ARPC1A: variants seen among roughly 807,000 people sequenced by gnomAD.
ARPC1A encodes actin related protein 2/3 complex subunit 1A, also known as actin-related protein 2/3 complex subunit 1A.
Under a neutral mutation model 46.9 loss-of-function variants are expected in ARPC1A, and 8 were observed. The ratio of observed to expected loss-of-function variants is 0.17; its 90% CI spans 0.10 to 0.31. The LOEUF is 0.31. ARPC1A is among the 10% of genes least tolerant of loss of function. The pLI is 1.00. For missense variants in ARPC1A, 286 were observed against 483.6 expected (o/e 0.59, Z 3.83); for synonymous variants, 152 against 169.0 (o/e 0.90, Z 0.78).
chr7:99,350,630 A>AC (rs1736453264), intron 5 of ARPC1A, among the ~76,000 whole-genome samples: 3 of 93,546 alleles, frequency 3.2e-5, no homozygotes, highest in Admixed American at 1.2e-4. Context: ...GATGAGGTGC[A>AC]CTTTTTTTTT....
intron 2 of ARPC1A, among the ~76,000 whole-genome samples, chr7:99,334,126 C>G (rs925372028): frequency 1.3e-5 from 2 of 151,380 alleles, no homozygotes; most frequent in East Asian, 3.9e-4. Flanking sequence ...TTTGGGAGAC[C>G]GAGGCGGGCA....
Position 99,333,388 on chromosome 7 carries a change from C to A in ARPC1A, c.35C>A (p.Thr12Asn). The A allele has an allele frequency of 1.9e-6, 3 of 1,613,762 alleles. No homozygotes were observed. The highest frequency in any genetic ancestry group is 2.5e-6 in the Non-Finnish European group (3 of 1,179,816). ...CATCAGTTTTTACTAGAGCCAATCA[C>A]CTGTCATGCCTGGAACAGGGATCGT... ...SLHQFLLEPI[T>N]CHAWNRDRTQ... The change falls in exon 2 of 10, where the codon ACC becomes AAC. Residue 12 changes from threonine to asparagine, a missense_variant. Coordinates refer to ENST00000262942, the MANE Select transcript of ARPC1A (RefSeq NM_006409.4).
intron 5 of ARPC1A, among the ~76,000 whole-genome samples, chr7:99,353,456 C>A (rs1404066662): frequency 4.0e-5 from 5 of 124,414 alleles, no homozygotes; most frequent in Non-Finnish European, 6.4e-5. Context: ...CCGCACCCAG[C>A]CTTATTTATT....
At chr7:99,326,040 G>T (rs1793039147) in intron 1 of ARPC1A, 36 bp downstream of exon 1, 1 of 152,278 alleles carries the variant, frequency 6.6e-6, no homozygotes, top group Non-Finnish European at 1.5e-5. Flanking sequence ...TCACCCTGTC[G>T]GCCTCTCTTG....
intron 6 of ARPC1A, among the ~76,000 whole-genome samples, chr7:99,357,934 C>G (rs1023454087): frequency 3.9e-5 from 6 of 152,328 alleles, no homozygotes; most frequent in African/African-American, 1.4e-4. Flanking sequence ...AGGAGAAGGT[C>G]CTAGCACAGG....
intron 9 of ARPC1A, among the ~76,000 whole-genome samples, chr7:99,364,635 T>G (rs1174479979): frequency 1.3e-5 from 2 of 152,104 alleles, no homozygotes; most frequent in Non-Finnish European, 2.9e-5. Flanking sequence ...TGAACTGGAA[T>G]TTTTACTTCT....
chr7:99,326,055 G>A (rs1190905775), intron 1 of ARPC1A, 51 bp downstream of exon 1: 2 of 152,382 alleles, frequency 1.3e-5, no homozygotes, highest in African/African-American at 2.4e-5. Context: ...CTCTTGTCCA[G>A]GCCTGGCGCC....
intron 2 of ARPC1A, among the ~76,000 whole-genome samples, chr7:99,334,016 CACACACACACACACATAT>C (rs1793195367): frequency 1.4e-5 from 2 of 141,568 alleles, no homozygotes. Flanking sequence ...CACACACACA[CACACACACACACACATAT>C]ATATGTATTT....
At chr7:99,340,552 C>T (rs187077419) in intron 3 of ARPC1A, among the ~76,000 whole-genome samples, 2 of 152,320 alleles carry the variant, frequency 1.3e-5, no homozygotes, top group African/African-American at 2.4e-5. Context: ...AAGTGATCCT[C>T]CCATCTCAGC....
intron 4 of ARPC1A, among the ~76,000 whole-genome samples, chr7:99,345,964 A>G (rs1220570573): frequency 6.6e-6 from 1 of 152,222 alleles, no homozygotes. Flanking sequence ...CTGTAACCCC[A>G]GCACTTTGGG....
intron 4 of ARPC1A, among the ~76,000 whole-genome samples, chr7:99,348,608 G>A (rs1488653236): frequency 6.6e-6 from 1 of 152,218 alleles, no homozygotes; most frequent in Non-Finnish European, 1.5e-5. Flanking sequence ...GTCTCTGGCA[G>A]AAGGCCTGGT....
At chr7:99,333,185 G>T in intron 1 of ARPC1A, 140 bp from the exon 2 acceptor site, 1 of 633,808 alleles carries the variant, frequency 1.6e-6, no homozygotes, top group Non-Finnish European at 2.8e-6. Context: ...GTGAGCCACC[G>T]TGCCTGGCCA....
chr7:99,329,393 A>G (rs911022360), intron 1 of ARPC1A, among the ~76,000 whole-genome samples: 4 of 152,224 alleles, frequency 2.6e-5, no homozygotes, highest in African/African-American at 9.6e-5. Flanking sequence ...TATTAAGACA[A>G]AGCTTTTCAG....
chr7:99,358,889 T>A lies in ARPC1A; in HGVS notation c.789+474T>A, dbSNP rs191223860. The stretch of plus-strand genomic sequence containing the variant: ...CTCTGTCGCCCAGGCTGGAGGGCAG[T>A]GGCGCAATTTTGGCTCACTGCAAGC... On this transcript the variant is annotated intron_variant, in intron 7 of 9. Transcript: ENST00000262942. 82 of 150,082 alleles carry A rather than the reference T, an allele frequency of 5.5e-4. No individual in the cohort carries two copies. In the East Asian group the frequency reaches 0.016, roughly 30 times the overall value. 9.3% of individuals were successfully genotyped at this position (150,082 alleles called of 1,614,324 possible). A position where few individuals can be genotyped will look rare whatever the true frequency, so the allele number is the denominator to read the frequency against.
At chr7:99,345,761 G>A (rs967005249) in intron 4 of ARPC1A, among the ~76,000 whole-genome samples, 1 of 152,116 alleles carries the variant, frequency 6.6e-6, no homozygotes, top group African/African-American at 2.4e-5. Flanking sequence ...CAGTGTTTGT[G>A]TTTCTACTAA....
intron 9 of ARPC1A, among the ~76,000 whole-genome samples, chr7:99,364,040 C>T (rs1195079329): frequency 1.3e-5 from 2 of 152,110 alleles, no homozygotes; most frequent in Non-Finnish European, 1.5e-5. Flanking sequence ...CTGCAACCTC[C>T]GCCTCCCGGG....
chr7:99,339,204 A>G (rs371720601), intron 3 of ARPC1A, among the ~76,000 whole-genome samples: 8 of 152,300 alleles, frequency 5.3e-5, no homozygotes, highest in African/African-American at 1.7e-4. Flanking sequence ...ATAATTTGCT[A>G]TGACACCATT....
chr7:99,342,716 CTTTTTTTTTTT>C (rs555524613), intron 3 of ARPC1A, among the ~76,000 whole-genome samples: 8 of 101,928 alleles, frequency 7.8e-5, no homozygotes, highest in African/African-American at 3.9e-4. Context: ...CTTCATACTA[CTTTTTTTTTTT>C]TTTTTTTTTT....
intron 2 of ARPC1A, among the ~76,000 whole-genome samples, chr7:99,337,207 A>C (rs1203691501): frequency 6.6e-6 from 1 of 152,168 alleles, no homozygotes; most frequent in Admixed American, 6.6e-5. Context: ...AGATTACCTG[A>C]GGTCGGGAGT....
Sources: gnomAD v4.1 joint callset for allele counts (sites outside exome capture counted in the v4.1 genomes callset) on GRCh38, gnomAD v4.1.1 for gene constraint, MANE v1.5 for transcripts, NCBI Gene and HGNC (gene_info 2026-07-23, HGNC 2026-07-21) for gene names.